Variants in KLHL1 observed in about 807,000 individuals in gnomAD.
The protein encoded by KLHL1 is kelch-like protein 1.
Under a neutral mutation model 77.7 loss-of-function variants are expected in KLHL1, and 47 were observed. The ratio of observed to expected loss-of-function variants is 0.60; its 90% CI spans 0.48 to 0.77. The LOEUF is 0.77. Ranked by LOEUF, KLHL1 falls within the 30% of genes least tolerant of loss-of-function variation. KLHL1 has a pLI of 0.00. For synonymous variants in KLHL1, 360 were observed against 325.2 expected (o/e 1.11, Z -1.15); for missense variants, 925 against 910.8 (o/e 1.02, Z -0.20).
chr13:69,781,861 ACTTT>A (rs1400113513), intron 7 of KLHL1, among the ~76,000 whole-genome samples: 1 of 152,072 alleles, frequency 6.6e-6, no homozygotes, highest in Admixed American at 6.6e-5. Context: ...TGGGATATTA[ACTTT>A]CTAATTATTG....
intron 1 of KLHL1, among the ~76,000 whole-genome samples, chr13:70,076,472 C>T (rs1015969697): frequency 6.8e-5 from 10 of 146,408 alleles, no homozygotes; most frequent in Admixed American, 1.4e-4. Flanking sequence ...ACAGTTTTCA[C>T]AAAAGGGGCA....
intron 1 of KLHL1, among the ~76,000 whole-genome samples, chr13:70,015,197 T>A (rs114828558): frequency 2.0e-5 from 3 of 152,116 alleles, no homozygotes; most frequent in Admixed American, 6.5e-5. Context: ...GTGAACATCA[T>A]AGAGTGGACT....
intron 1 of KLHL1, among the ~76,000 whole-genome samples, chr13:69,980,140 T>G (rs1884666112): frequency 6.6e-6 from 1 of 152,228 alleles, no homozygotes; most frequent in Admixed American, 6.5e-5. Context: ...TTACTCTCTC[T>G]GTACCAAATG....
rs929672585 is a variant in KLHL1 at position 70,107,902 on chromosome 13, T to A, written c.-203A>T. 3.8e-6 allele frequency: 2 copies of A among 523,520 alleles called. No homozygotes were observed. The highest frequency in any genetic ancestry group is 6.6e-6 in the Non-Finnish European group (2 of 300,834). 32.4% of individuals were successfully genotyped at this position (523,520 alleles called of 1,614,324 possible). A position where few individuals can be genotyped will look rare whatever the true frequency, so the allele number is the denominator to read the frequency against. ...ACGGCAAAGCCGCGCGTTTCAGCCG[T>A]GGTCGGGTCCGCAGGACCTGGGCGT... On this transcript the variant is annotated 5_prime_UTR_variant, in exon 1 of 11. Coordinates refer to ENST00000377844, the MANE Select transcript of KLHL1 (RefSeq NM_020866.3).
At chr13:69,916,860 A>T (rs1390076879) in intron 4 of KLHL1, among the ~76,000 whole-genome samples, 2 of 152,160 alleles carry the variant, frequency 1.3e-5, no homozygotes, top group Admixed American at 1.3e-4. Flanking sequence ...CAGAATATTA[A>T]AAAACAAAGA....
intron 6 of KLHL1, among the ~76,000 whole-genome samples, chr13:69,811,923 G>A (rs1011482785): frequency 6.6e-6 from 1 of 152,042 alleles, no homozygotes; most frequent in African/African-American, 2.4e-5. Context: ...TCTGATCTTA[G>A]TTATTTCTTG....
At chr13:70,055,078 T>C (rs1326794125) in intron 1 of KLHL1, among the ~76,000 whole-genome samples, 16 of 151,960 alleles carry the variant, frequency 1.1e-4, no homozygotes, top group African/African-American at 4.8e-5. Context: ...AAGAAAGTTA[T>C]AGGACATCAA....
At chr13:70,075,667 G>A (rs1250369803) in intron 1 of KLHL1, among the ~76,000 whole-genome samples, 3 of 141,052 alleles carry the variant, frequency 2.1e-5, no homozygotes, top group African/African-American at 7.9e-5. Context: ...ACCTATGTGT[G>A]TGTGTATATA....
chr13:69,992,923 G>GAAAA (rs35249010), intron 1 of KLHL1, among the ~76,000 whole-genome samples: 1 of 147,416 alleles, frequency 6.8e-6, no homozygotes. Flanking sequence ...GCTGCAGAGG[G>GAAAA]AAAAAAAAAA....
At chr13:69,730,523 C>T (rs967590382) in intron 8 of KLHL1, among the ~76,000 whole-genome samples, 2 of 152,124 alleles carry the variant, frequency 1.3e-5, no homozygotes, top group East Asian at 1.9e-4. Flanking sequence ...TTATGCTTTC[C>T]TCTATTATCC....
Position 69,961,445 on chromosome 13 carries a change from C to T in KLHL1, c.681-1G>A, listed in dbSNP as rs1294923139. ...GTCGGAGACTGAACTCAGAACAAGC[C>T]TGAAAGAGTCACAGGTTCTAATTTA... On this transcript the variant is annotated splice_acceptor_variant, in intron 2 of 10. Transcript: ENST00000377844. LOFTEE classifies it high-confidence loss of function. 1.2e-6 allele frequency: 2 copies of T among 1,612,410 alleles called. No individual in the cohort carries two copies. The highest frequency in any genetic ancestry group is 1.7e-6 in the Non-Finnish European group (2 of 1,179,120).
intron 4 of KLHL1, among the ~76,000 whole-genome samples, chr13:69,888,941 T>C (rs1881322228): frequency 6.6e-6 from 1 of 152,006 alleles, no homozygotes; most frequent in African/African-American, 2.4e-5. Context: ...TAAGAAATAC[T>C]AGCTTTCCCA....
intron 4 of KLHL1, among the ~76,000 whole-genome samples, chr13:69,895,485 G>A (rs190889260): frequency 5.7e-4 from 86 of 152,090 alleles, no homozygotes; most frequent in African/African-American, 1.9e-3. Flanking sequence ...TAATATAAAC[G>A]GGTTGATTTG....
At chr13:69,895,248 T>G (rs560428207) in intron 4 of KLHL1, among the ~76,000 whole-genome samples, 1 of 152,248 alleles carries the variant, frequency 6.6e-6, no homozygotes, top group South Asian at 2.1e-4. Context: ...CTGGTCCCTT[T>G]GTTTTCTTAT....
intron 1 of KLHL1, among the ~76,000 whole-genome samples, chr13:70,075,088 T>C (rs1478460682): frequency 2.0e-5 from 3 of 152,026 alleles, no homozygotes; most frequent in Non-Finnish European, 2.9e-5. Flanking sequence ...TATGTTAACA[T>C]GTTTATGTAC....
At chr13:69,866,728 T>C (rs1880378289) in intron 5 of KLHL1, among the ~76,000 whole-genome samples, 1 of 152,138 alleles carries the variant, frequency 6.6e-6, no homozygotes, top group African/African-American at 2.4e-5. Flanking sequence ...GCCTTTGTAA[T>C]GAATACCTTC....
intron 1 of KLHL1, among the ~76,000 whole-genome samples, chr13:70,069,894 C>T (rs766206536): frequency 2.0e-5 from 3 of 151,776 alleles, no homozygotes; most frequent in Non-Finnish European, 2.9e-5. Flanking sequence ...TGAGGCCGGG[C>T]ACGGTGGCTC....
In KLHL1 at chr13:69,839,124, A is replaced by T; in HGVS notation, c.1266T>A (p.Asn422Lys). The T allele has an allele frequency of 5.0e-6, 8 of 1,606,326 alleles. No homozygotes were observed. The highest frequency in any genetic ancestry group is 6.8e-6 in the Non-Finnish European group (8 of 1,175,816). ...ADLENHALFK[N>K]DLECQKLILE... The stretch of plus-strand genomic sequence containing the variant: ...GAATCAGCTTTTGACATTCCAGATC[A>T]TTCTTAAATAATGCATGATTTTCTA... Residue 422 changes from asparagine (N) to lysine (K), a missense_variant, in exon 6 of 11, where the codon AAT becomes AAA. Asn to Lys is a moderately conservative substitution (Grantham distance 94). Transcript: ENST00000377844.
At chr13:69,803,287 T>A (rs1370123232) in intron 6 of KLHL1, among the ~76,000 whole-genome samples, 1 of 144,630 alleles carries the variant, frequency 6.9e-6, no homozygotes, top group African/African-American at 2.6e-5. Flanking sequence ...ATTATTATTG[T>A]GTCAATTTTA....
Sources: gnomAD v4.1 joint callset for allele counts (sites outside exome capture counted in the v4.1 genomes callset) on GRCh38, gnomAD v4.1.1 for gene constraint, MANE v1.5 for transcripts, NCBI Gene and HGNC (gene_info 2026-07-23, HGNC 2026-07-21) for gene names.